ACSM2A: variants seen among roughly 807,000 people sequenced by gnomAD.
The protein encoded by ACSM2A is acyl-coenzyme A synthetase ACSM2A, mitochondrial.
In ACSM2A, 72 loss-of-function variants were observed where a neutral mutation model predicts 76.6. The ratio of observed to expected loss-of-function variants is 0.94; its 90% CI spans 0.78 to 1.14. The LOEUF (loss-of-function observed/expected upper bound fraction) is 1.14, where lower values mean the gene tolerates loss of function less well. ACSM2A is among the 50% of genes most tolerant of loss of function. The pLI, the probability that ACSM2A is intolerant of heterozygous loss-of-function variation, is 0.00. For missense variants in ACSM2A, 684 were observed against 708.5 expected, an observed-to-expected ratio of 0.97 and a Z score of 0.39; for synonymous variants, 249 against 255.9, an observed-to-expected ratio of 0.97 and a Z score of 0.26.
intron 1 of ACSM2A, among the ~76,000 whole-genome samples, chr16:20,455,148 T>G (rs1464677184): frequency 2.0e-5 from 3 of 150,980 alleles, no homozygotes; most frequent in African/African-American, 7.3e-5. Flanking sequence ...TTTGGGATTG[T>G]GTTAAATGAT....
Position 20,455,206 on chromosome 16 carries a change from A to C in ACSM2A, c.-9+3525A>C, listed in dbSNP as rs1355057626. Among the ~76,000 whole-genome samples, 4 of 151,656 alleles carry C rather than the reference A, an allele frequency of 2.6e-5. No homozygotes were observed. In the East Asian group the frequency reaches 5.8e-4, roughly 22 times the overall value. On this transcript the variant is annotated intron_variant, in intron 1 of 13. Transcript: ENST00000573854. ...CCTTGAGATAGAAGAGACATCTAAA[A>C]GTTTGGGAAATGTATTCAAGGAAAT...
chr16:20,469,809 A>C (rs1409461291), intron 4 of ACSM2A, 90 bp downstream of exon 4: 69 of 1,565,464 alleles, frequency 4.4e-5, no homozygotes, highest in Non-Finnish European at 5.2e-5. Flanking sequence ...GAGGAGGTGC[A>C]GAAAGAACAG....
chr16:20,482,916 C>G (rs377081986), intron 12 of ACSM2A, 142 bp from the exon 13 acceptor site: 1 of 1,363,772 alleles, frequency 7.3e-7, no homozygotes, highest in African/African-American at 1.5e-5. Context: ...CCCCAGTTTT[C>G]TCCTTTTCCC....
intron 10 of ACSM2A, among the ~76,000 whole-genome samples, chr16:20,479,507 T>A (rs975755377): frequency 3.9e-5 from 6 of 152,176 alleles, no homozygotes; most frequent in Non-Finnish European, 8.8e-5. Flanking sequence ...AAGTTACCTA[T>A]CTGTCATGTC....
rs1174194122 is a variant in ACSM2A at position 20,469,717 on chromosome 16, A to G, written c.594A>G (p.Leu198=). 15 of 1,613,668 alleles carry G rather than the reference A, an allele frequency of 9.3e-6. No homozygotes were observed. Among genetic ancestry groups the G allele is most frequent in the African/African-American group, 4.0e-5 (3 of 74,884 alleles). The change falls in exon 4 of 14, where the codon CTA becomes CTG. Residue 198 remains leucine, a splice_region_variant and synonymous_variant. Transcript: ENST00000573854. ...CDGWLNFKKL[L]NEASTTHHCV... ...GGTGGCTGAACTTCAAGAAACTACT[A>G]AAGTGAGTATCTACATGTCTCAGCC...
chr16:20,471,244 G>A (rs764905734), intron 5 of ACSM2A, 28 bp downstream of exon 5: 2 of 1,602,406 alleles, frequency 1.2e-6, no homozygotes, highest in Non-Finnish European at 1.7e-6. Flanking sequence ...TCTCTACAGA[G>A]AATTACATGA....
chr16:20,455,395 C>T (rs2012084914), intron 1 of ACSM2A, among the ~76,000 whole-genome samples: 1 of 151,494 alleles, frequency 6.6e-6, no homozygotes, highest in South Asian at 2.1e-4. Flanking sequence ...AGCTGTGAGG[C>T]AAAAGCACCA....
At chr16:20,456,483 TCAACTC>T (rs2012163329) in intron 1 of ACSM2A, among the ~76,000 whole-genome samples, 1 of 151,598 alleles carries the variant, frequency 6.6e-6, no homozygotes, top group Non-Finnish European at 1.5e-5. Context: ...AAATTGGAAA[TCAACTC>T]CAAAAGGAAT....
chr16:20,485,363 C>T (rs1383905269), intron 13 of ACSM2A, among the ~76,000 whole-genome samples: 1 of 152,176 alleles, frequency 6.6e-6, no homozygotes. Flanking sequence ...CACCTTCCCC[C>T]TCCTTCCACC....
Position 20,486,740 on chromosome 16 carries a change from C to T in ACSM2A, c.*62C>T. 1.9e-6 allele frequency: 3 copies of T among 1,574,906 alleles called. No homozygotes were observed. Among genetic ancestry groups the T allele is most frequent in the African/African-American group, 1.4e-5 (1 of 73,844 alleles). On this transcript the variant is annotated 3_prime_UTR_variant, in exon 14 of 14. Transcript: ENST00000573854. Reference sequence around the variant, plus strand: ...TTTCTCTTTCTTTTCCCTTTGGGCCCTTGGCCTTCCTATGATTATATGAGA... The same window carrying T: ...TTTCTCTTTCTTTTCCCTTTGGGCCTTTGGCCTTCCTATGATTATATGAGA...
chr16:20,475,778 C>G lies in ACSM2A; in HGVS notation c.1098+5C>G, dbSNP rs755867496. The G allele has an allele frequency of 6.2e-7, 1 of 1,613,772 alleles. No individual in the cohort carries two copies. Among genetic ancestry groups the G allele is most frequent in the Non-Finnish European group, 8.5e-7 (1 of 1,179,784 alleles). On this transcript the variant is annotated splice_donor_5th_base_variant and intron_variant, in intron 8 of 13. Transcript: ENST00000573854. Reference sequence around the variant, plus strand: ...TCCTATGGCCAGACAGAAACGGTACCTGTTCCCAGGGGAACCATGGGCTGT... The same window carrying G: ...TCCTATGGCCAGACAGAAACGGTACGTGTTCCCAGGGGAACCATGGGCTGT...
intron 2 of ACSM2A, among the ~76,000 whole-genome samples, chr16:20,464,435 G>A (rs2012840967): frequency 6.6e-6 from 1 of 152,186 alleles, no homozygotes; most frequent in South Asian, 2.1e-4. Flanking sequence ...GCTGGCATCT[G>A]CTTCTGATGA....
chr16:20,464,514 G>A (rs2012849622), intron 2 of ACSM2A, among the ~76,000 whole-genome samples: 1 of 152,158 alleles, frequency 6.6e-6, no homozygotes, highest in Non-Finnish European at 1.5e-5. Context: ...GGCAAGATGA[G>A]GAGCAAGACA....
rs762322900 is a variant in ACSM2A, at chr16:20,475,690, G to A, written c.1015G>A (p.Glu339Lys). 2.5e-6 allele frequency: 4 copies of A among 1,613,900 alleles called. No homozygotes were observed. The highest frequency in any genetic ancestry group is 3.4e-6 in the Non-Finnish European group (4 of 1,179,948). ...TCTACAGAACTGCGTCACTGTAGGG[G>A]AGTCCCTTCTTCCAGAAACTCTGGA... is the stretch of plus-strand genomic sequence containing the variant. ...PHLQNCVTVG[E>K]SLLPETLENW... The change falls in exon 8 of 14, where the codon GAG becomes AAG. Residue 339 changes from glutamate (E) to lysine (K), a missense_variant. Transcript: ENST00000573854.
intron 1 of ACSM2A, among the ~76,000 whole-genome samples, chr16:20,458,441 A>G (rs898544156): frequency 2.6e-5 from 3 of 117,358 alleles, no homozygotes; most frequent in African/African-American, 1.1e-4. Flanking sequence ...TGTAGTATAT[A>G]TAACTATTTA....
At position 20,487,363 on chromosome 16, in the gene ACSM2A, G is replaced by C. The variant is rs2014432100; in HGVS notation, c.*685G>C. The C allele has an allele frequency of 6.6e-6, 1 of 152,258 alleles. No homozygotes were observed. The highest frequency in any genetic ancestry group is 1.5e-5 in the Non-Finnish European group (1 of 68,106). 9.4% of individuals were successfully genotyped at this position (152,258 alleles called of 1,614,324 possible). On this transcript the variant is annotated 3_prime_UTR_variant, in exon 14 of 14. Transcript: ENST00000573854. ...GGCACCTTCTTATACCCTAGAAGAA[G>C]ACCTCCATACAGGAAGACTTGTGTG...
chr16:20,467,570 C>T (rs551484769), intron 3 of ACSM2A, among the ~76,000 whole-genome samples: 2 of 151,918 alleles, frequency 1.3e-5, no homozygotes, highest in South Asian at 4.2e-4. Flanking sequence ...GGGGGGTGAA[C>T]TAATAACAGG....
intron 2 of ACSM2A, among the ~76,000 whole-genome samples, chr16:20,464,136 T>C (rs2141703382): frequency 6.6e-6 from 1 of 152,348 alleles, no homozygotes; most frequent in Admixed American, 6.5e-5. Flanking sequence ...CATAATTCTA[T>C]CAGCATTTTG....
intron 10 of ACSM2A, among the ~76,000 whole-genome samples, chr16:20,480,356 G>T (rs1366654972): frequency 6.6e-6 from 1 of 152,234 alleles, no homozygotes; most frequent in Non-Finnish European, 1.5e-5. Context: ...TAGAGGAGTA[G>T]CTGAGAGACC....
Sources: gnomAD v4.1 joint callset for allele counts (sites outside exome capture counted in the v4.1 genomes callset) on GRCh38, gnomAD v4.1.1 for gene constraint, MANE v1.5 for transcripts, NCBI Gene and HGNC (gene_info 2026-07-23, HGNC 2026-07-21) for gene names.